AFAP1: variants seen among roughly 807,000 people sequenced by gnomAD.
AFAP1 encodes the protein actin filament associated protein 1.
AFAP1 carries 75 observed loss-of-function variants against 93.9 expected under a neutral mutation model. The observed-to-expected ratio is 0.80, with a 90% CI of 0.66 to 0.97. The LOEUF (loss-of-function observed/expected upper bound fraction) is 0.97, where lower values mean the gene tolerates loss of function less well. AFAP1 is among the 50% of genes least tolerant of loss of function. AFAP1 has a pLI of 0.00. For missense variants in AFAP1, 1,201 were observed against 1,050.8 expected, an observed-to-expected ratio of 1.14 and a Z score of -1.98; for synonymous variants, 517 against 430.7, an observed-to-expected ratio of 1.20 and a Z score of -2.48.
At chr4:7,768,343 G>A (rs1034367267) in intron 17 of AFAP1, among the ~76,000 whole-genome samples, 11 of 152,250 alleles carry the variant, frequency 7.2e-5, no homozygotes, top group Admixed American at 2.0e-4. Context: ...TGAGAAGACC[G>A]GAAGCTGCCC....
In AFAP1 at chr4:7,939,793, T is replaced by A; in HGVS notation, c.-140A>T. 1 of 351,276 alleles carries A rather than the reference T, an allele frequency of 2.8e-6. No homozygotes were observed. Among genetic ancestry groups the A allele is most frequent in the South Asian group, 2.0e-5 (1 of 49,746 alleles). 21.8% of individuals were successfully genotyped at this position (351,276 alleles called of 1,614,324 possible). A position where few individuals can be genotyped will look rare whatever the true frequency, so the allele number is the denominator to read the frequency against. ...GGGCCGCCGCCGCCGCCTCAGCCCG[T>A]GTACCCCGCTCGAGATCCGGCTCGG... On this transcript the variant is annotated 5_prime_UTR_variant, in exon 1 of 18. Transcript: ENST00000420658. This position sits in a 1 kb window ranked among gnomAD's most constrained non-coding sequence, Gnocchi z 5.6.
chr4:7,802,819 T>C lies in AFAP1; in HGVS notation c.1055-2166A>G, dbSNP rs1010211711. Among the ~76,000 whole-genome samples the C allele has an allele frequency of 2.6e-5, 4 of 152,032 alleles. No homozygotes were observed. In the East Asian group the frequency reaches 7.7e-4, roughly 29 times the overall value. On this transcript the variant is annotated intron_variant, in intron 9 of 17. Coordinates refer to ENST00000420658, the MANE Select transcript of AFAP1 (RefSeq NM_001134647.2). ...CGCCCGCCACCACACCTGGCTAATT[T>C]TTTGTATTTTTAGTAGAGAAGGGGT...
chr4:7,837,599 A>C (rs916337326), intron 6 of AFAP1, among the ~76,000 whole-genome samples: 4 of 152,248 alleles, frequency 2.6e-5, no homozygotes, highest in African/African-American at 7.2e-5. Context: ...GACTAAGACA[A>C]CTACCATCAC....
intron 1 of AFAP1, among the ~76,000 whole-genome samples, chr4:7,929,863 G>A (rs373349243): frequency 2.0e-5 from 3 of 152,308 alleles, no homozygotes; most frequent in Non-Finnish European, 2.9e-5. Context: ...CGGAGGTGCC[G>A]GCTCTGTTCT....
chr4:7,766,858 A>C (rs2148944270), intron 17 of AFAP1, among the ~76,000 whole-genome samples: 1 of 152,276 alleles, frequency 6.6e-6, no homozygotes, highest in East Asian at 1.9e-4. Flanking sequence ...CGGGATTGGA[A>C]GCCGTCTGAC....
At chr4:7,830,820 G>A (rs542061419) in intron 6 of AFAP1, among the ~76,000 whole-genome samples, 37 of 152,132 alleles carry the variant, frequency 2.4e-4, no homozygotes, top group African/African-American at 8.7e-4. Context: ...TTTTTCCCAG[G>A]CTGGTCTTGA....
chr4:7,767,434 G>A (rs181379602), intron 17 of AFAP1, among the ~76,000 whole-genome samples: 4 of 152,298 alleles, frequency 2.6e-5, no homozygotes, highest in East Asian at 1.9e-4. Flanking sequence ...TCTCATCTGC[G>A]AGTCCTAAGT....
chr4:7,774,466 G>A (rs971074577), intron 15 of AFAP1: 35 of 436,502 alleles, frequency 8.0e-5, no homozygotes, highest in Middle Eastern at 6.0e-4. Context: ...GCCAGAAGCC[G>A]GAACAGGTCC....
At chr4:7,862,094 AG>A (rs1479904610) in intron 3 of AFAP1, 1 of 152,186 alleles carries the variant, frequency 6.6e-6, no homozygotes, top group Non-Finnish European at 1.5e-5. Flanking sequence ...GCTACTCAGG[AG>A]GGTGAGGTGG....
intron 4 of AFAP1, among the ~76,000 whole-genome samples, chr4:7,855,197 G>A (rs149259079): frequency 1.5e-4 from 23 of 152,260 alleles, no homozygotes; most frequent in African/African-American, 4.8e-4. Flanking sequence ...TTTCTCTTCC[G>A]CACTGCTGAT....
chr4:7,766,050 A>G (rs1714523793), intron 17 of AFAP1, among the ~76,000 whole-genome samples: 1 of 152,214 alleles, frequency 6.6e-6, no homozygotes, highest in Admixed American at 6.5e-5. Flanking sequence ...ACAATGAACA[A>G]TTTCTCACTT....
intron 11 of AFAP1, among the ~76,000 whole-genome samples, 161 bp from the exon 12 acceptor site, chr4:7,786,472 G>T (rs116320379): frequency 6.6e-6 from 1 of 152,218 alleles, no homozygotes; most frequent in African/African-American, 2.4e-5. Context: ...GAGATGATGC[G>T]CTGGAGGGAC....
At position 7,843,266 on chromosome 4, in the gene AFAP1, T is replaced by C; in HGVS notation, c.419A>G (p.Gln140Arg). ...EDGKGKKTRH[Q>R]WPSEEASMDL... is the part of the protein sequence containing the mutation. The stretch of plus-strand genomic sequence containing the variant: ...CATGGAGGCCTCCTCGGAGGGCCAC[T>C]GGTGCCGGGTTTTCTTCCCCTTCCC... The change falls in exon 5 of 18, where the codon CAG becomes CGG. Residue 140 changes from glutamine (Q) to arginine (R), a missense_variant. Physicochemically the swap from Gln to Arg is conservative, Grantham distance 43. Coordinates refer to ENST00000420658, the MANE Select transcript of AFAP1 (RefSeq NM_001134647.2). 1.2e-6 allele frequency: 2 copies of C among 1,614,220 alleles called. No homozygotes were observed. The highest frequency in any genetic ancestry group is 2.7e-5 in the African/African-American group (2 of 75,064).
intron 17 of AFAP1, among the ~76,000 whole-genome samples, chr4:7,764,328 G>A (rs1714239879): frequency 6.6e-6 from 1 of 152,090 alleles, no homozygotes. Flanking sequence ...ATGGCGTGAG[G>A]CTAGGAGTTT....
chr4:7,923,680 T>G (rs1577362874), intron 1 of AFAP1, among the ~76,000 whole-genome samples: 2 of 152,172 alleles, frequency 1.3e-5, no homozygotes, highest in African/African-American at 4.8e-5. Context: ...GGTTTCAGGA[T>G]GGTCTCAATC....
In AFAP1 at chr4:7,768,844, C is replaced by T. The variant is rs139672347; in HGVS notation, c.2418G>A (p.Lys806=). The T allele has an allele frequency of 2.1e-5, 33 of 1,592,628 alleles. No individual in the cohort carries two copies. The highest frequency in any genetic ancestry group is 2.7e-5 in the Non-Finnish European group (31 of 1,165,112). Residue 806 remains lysine (K), a splice_region_variant and synonymous_variant, in exon 17 of 18, where the codon AAG becomes AAA. Coordinates refer to ENST00000420658, the MANE Select transcript of AFAP1 (RefSeq NM_001134647.2). ...GACACCCCCGGACATCAGGGCTTAC[C>T]TTGGCCTTCCGCAGCACATGCCCTC... is the stretch of plus-strand genomic sequence containing the variant. The part of the protein sequence containing the change: ...PCRGHVLRKA[K]EWELKNGT
intron 5 of AFAP1, among the ~76,000 whole-genome samples, chr4:7,840,910 T>G (rs1026198167): frequency 6.6e-6 from 1 of 152,198 alleles, no homozygotes; most frequent in Non-Finnish European, 1.5e-5. Context: ...GGGTACAGAG[T>G]GATGCTTTGA....
intron 1 of AFAP1, among the ~76,000 whole-genome samples, chr4:7,938,285 T>C (rs545663475): frequency 6.6e-6 from 1 of 152,328 alleles, no homozygotes; most frequent in African/African-American, 2.4e-5. Flanking sequence ...TGCCTGTTAC[T>C]TAAACACCAT....
chr4:7,820,204 T>C (rs1196186820), intron 6 of AFAP1, among the ~76,000 whole-genome samples: 1 of 152,024 alleles, frequency 6.6e-6, no homozygotes, highest in Admixed American at 6.5e-5. Flanking sequence ...ACATGGGACT[T>C]GAGGGAAAGA....
Sources: gnomAD v4.1 joint callset for allele counts (sites outside exome capture counted in the v4.1 genomes callset) on GRCh38, gnomAD v4.1.1 for gene constraint, Gnocchi (gnomAD v3.1) non-coding constraint, MANE v1.5 for transcripts, NCBI Gene and HGNC (gene_info 2026-07-23, HGNC 2026-07-21) for gene names.